Variants in GALNTL6 observed in about 807,000 individuals in gnomAD.
GALNTL6 encodes the protein polypeptide N-acetylgalactosaminyltransferase like 6, also known as polypeptide N-acetylgalactosaminyltransferase-like 6.
Under a neutral mutation model 73.7 loss-of-function variants are expected in GALNTL6, and 46 were observed. The observed-to-expected ratio is 0.62, with a 90% CI of 0.49 to 0.80. GALNTL6 has a LOEUF of 0.80. Ranked by LOEUF, GALNTL6 falls within the 30% of genes least tolerant of loss-of-function variation. The pLI is 0.00. For synonymous variants in GALNTL6, 259 were observed against 263.7 expected (o/e 0.98, Z 0.17); for missense variants, 604 against 755.0 (o/e 0.80, Z 2.34).
At chr4:172,106,190 G>A (rs770185799) in intron 2 of GALNTL6, among the ~76,000 whole-genome samples, 12 of 152,078 alleles carry the variant, frequency 7.9e-5, no homozygotes, top group Non-Finnish European at 1.0e-4. Context: ...TCTGAGGCAC[G>A]ACTCAAGCTC....
At chr4:172,467,235 G>A (rs1016442442) in intron 5 of GALNTL6, among the ~76,000 whole-genome samples, 1 of 152,210 alleles carries the variant, frequency 6.6e-6, no homozygotes, top group African/African-American at 2.4e-5. Context: ...CTACATAGAT[G>A]TATACAAATT....
At chr4:172,689,791 A>G (rs946716648) in intron 5 of GALNTL6, among the ~76,000 whole-genome samples, 1 of 152,232 alleles carries the variant, frequency 6.6e-6, no homozygotes, top group Non-Finnish European at 1.5e-5. Flanking sequence ...CATCCCAAGT[A>G]GAGCATATGT....
chr4:172,699,156 A>G (rs544588673), intron 5 of GALNTL6, among the ~76,000 whole-genome samples: 19 of 152,198 alleles, frequency 1.2e-4, no homozygotes, highest in Admixed American at 5.2e-4. Context: ...AATCTTACTC[A>G]TGAAGGCTCT....
intron 2 of GALNTL6, among the ~76,000 whole-genome samples, chr4:172,115,459 T>C (rs1455863021): frequency 6.6e-6 from 1 of 152,168 alleles, no homozygotes; most frequent in East Asian, 1.9e-4. Context: ...AGCACACATC[T>C]TAATCTTCTT....
At chr4:172,026,667 A>G (rs1238184266) in intron 2 of GALNTL6, among the ~76,000 whole-genome samples, 1 of 152,038 alleles carries the variant, frequency 6.6e-6, no homozygotes, top group Non-Finnish European at 1.5e-5. Context: ...CTCATGTTTC[A>G]TTTCTATGGT....
chr4:172,833,415 A>G (rs1437421135), intron 7 of GALNTL6, among the ~76,000 whole-genome samples: 1 of 152,168 alleles, frequency 6.6e-6, no homozygotes, highest in African/African-American at 2.4e-5. Context: ...ATCTTTTCTT[A>G]TCATTCCAAC....
chr4:172,802,755 A>C (rs1187120147), intron 5 of GALNTL6, among the ~76,000 whole-genome samples: 1 of 152,098 alleles, frequency 6.6e-6, no homozygotes, highest in Non-Finnish European at 1.5e-5. Flanking sequence ...GTGAGCTGAG[A>C]TCACACCACT....
intron 4 of GALNTL6, among the ~76,000 whole-genome samples, chr4:172,348,090 A>G (rs536534357): frequency 6.6e-6 from 1 of 152,204 alleles, no homozygotes; most frequent in African/African-American, 2.4e-5. Flanking sequence ...GAAACACTCC[A>G]TGACTAAAAC....
intron 2 of GALNTL6, among the ~76,000 whole-genome samples, chr4:172,087,774 A>C (rs1041037961): frequency 3.3e-5 from 5 of 149,994 alleles, no homozygotes; most frequent in Non-Finnish European, 4.5e-5. Flanking sequence ...AAAAAAAAAA[A>C]CAGTGGAAAT....
chr4:171,975,442 G>C (rs1412682984), intron 2 of GALNTL6, among the ~76,000 whole-genome samples: 1 of 152,100 alleles, frequency 6.6e-6, no homozygotes, highest in Non-Finnish European at 1.5e-5. Context: ...CTTTAGGGTA[G>C]GGAAGACATA....
intron 5 of GALNTL6, among the ~76,000 whole-genome samples, chr4:172,705,406 G>A (rs544680810): frequency 3.6e-4 from 53 of 148,808 alleles, no homozygotes; most frequent in Non-Finnish European, 5.3e-4. Context: ...TATTTTAAAC[G>A]GATAACAACT....
chr4:172,121,257 T>TTGTGTGTGTGTGTGTGTGTGTG (rs375731048), intron 2 of GALNTL6, among the ~76,000 whole-genome samples: 2 of 142,368 alleles, frequency 1.4e-5, no homozygotes, highest in Admixed American at 7.1e-5. Flanking sequence ...TCAAGAAGCA[T>TTGTGTGTGTGTGTGTGTGTGTG]TGTGTGTGTG....
intron 5 of GALNTL6, among the ~76,000 whole-genome samples, chr4:172,394,303 T>C (rs2111309062): frequency 6.6e-6 from 1 of 152,232 alleles, no homozygotes; most frequent in African/African-American, 2.4e-5. Context: ...TTGTTATTTG[T>C]ATTCACATAT....
chr4:173,034,699 T>C lies in GALNTL6; in HGVS notation c.1639-5234T>C, dbSNP rs1753610653. Among the ~76,000 whole-genome samples, 3 of 152,302 alleles carry C rather than the reference T, an allele frequency of 2.0e-5. No individual in the cohort carries two copies. The South Asian group carries it at 6.2e-4, about 32-fold the overall frequency. The stretch of plus-strand genomic sequence containing the variant: ...AGTGAGATTTTCCCTGGCCACTCAA[T>C]TCAATGTTCACACTGGCCCCACCCC... On this transcript the variant is annotated intron_variant, in intron 12 of 12. Coordinates refer to ENST00000506823, the MANE Select transcript of GALNTL6 (RefSeq NM_001034845.3).
chr4:171,899,749 C>G (rs1737026632), intron 2 of GALNTL6, among the ~76,000 whole-genome samples: 1 of 152,026 alleles, frequency 6.6e-6, no homozygotes, highest in Admixed American at 6.6e-5. Flanking sequence ...ATTGACAAAC[C>G]CAAAAGCAGC....
rs201662760 is a variant in GALNTL6, at chr4:172,333,418, T to A, written c.387-15105T>A. Among the ~76,000 whole-genome samples the A allele has an allele frequency of 5.1e-4, 78 of 152,018 alleles. 2 individuals carry two copies. The South Asian group carries it at 8.6e-3, about 17-fold the overall frequency. On this transcript the variant is annotated intron_variant, in intron 4 of 12. Coordinates refer to ENST00000506823, the MANE Select transcript of GALNTL6 (RefSeq NM_001034845.3). ...GAAAGTCCATCTCAAAAGAAAAAAA[T>A]AAAAACAAAACAAAACAAAAAACGA...
chr4:172,741,802 A>G (rs1382118877), intron 5 of GALNTL6, among the ~76,000 whole-genome samples: 2 of 152,048 alleles, frequency 1.3e-5, no homozygotes, highest in African/African-American at 4.8e-5. Context: ...CCGCCTAAGA[A>G]TAGAAGACAT....
At chr4:172,299,515 A>G (rs1419933377) in intron 3 of GALNTL6, among the ~76,000 whole-genome samples, 2 of 152,096 alleles carry the variant, frequency 1.3e-5, no homozygotes, top group African/African-American at 2.4e-5. Flanking sequence ...AGTGCTATAA[A>G]TTTCCCTCTA....
At chr4:172,687,324 A>C (rs1466071340) in intron 5 of GALNTL6, among the ~76,000 whole-genome samples, 3 of 152,098 alleles carry the variant, frequency 2.0e-5, no homozygotes, top group Non-Finnish European at 4.4e-5. Flanking sequence ...GTGGGTTGAG[A>C]ATTAGCCCTG....
Sources: allele counts gnomAD v4.1 joint callset (sites outside exome capture counted in the v4.1 genomes callset), GRCh38; gene constraint gnomAD v4.1.1; transcripts MANE v1.5; gene names NCBI Gene and HGNC (gene_info 2026-07-23, HGNC 2026-07-21).